The following CYB5A variants were observed in gnomAD, a reference collection of about 807,000 sequenced individuals.
CYB5A encodes the protein cytochrome b5 type A, also known as cytochrome b5.
CYB5A carries 10 observed loss-of-function variants against 16.2 expected under a neutral mutation model. That is an observed-to-expected ratio of 0.62 (90% CI 0.38 to 1.04). CYB5A has a LOEUF of 1.04. CYB5A is among the 50% of genes least tolerant of loss of function. The pLI is 0.01. For synonymous variants in CYB5A, 62 were observed against 57.0 expected (o/e 1.09, Z -0.40); for missense variants, 161 against 165.9 (o/e 0.97, Z 0.16).
chr18:74,253,546 A>G lies in CYB5A; in HGVS notation c.*38T>C. On this transcript the variant is annotated 3_prime_UTR_variant, in exon 5 of 5. Transcript: ENST00000340533. ...CAATGGCTTCTTTTCTCCCGTGTCCAAAGCAGGCTCTTCCTGCGCTGACTT... is the reference window on the plus strand; with the variant it reads ...CAATGGCTTCTTTTCTCCCGTGTCCGAAGCAGGCTCTTCCTGCGCTGACTT... The G allele has an allele frequency of 7.1e-7, 1 of 1,413,032 alleles. No individual in the cohort carries two copies. Among genetic ancestry groups the G allele is most frequent in the Non-Finnish European group, 1.0e-6 (1 of 998,962 alleles). 87.5% of individuals were successfully genotyped at this position (1,413,032 alleles called of 1,614,324 possible). A position where few individuals can be genotyped will look rare whatever the true frequency, so the allele number is the denominator to read the frequency against.
chr18:74,263,397 T>G lies in CYB5A; in HGVS notation c.210A>C (p.Thr70=), dbSNP rs767924669. The change falls in exon 2 of 5, where the codon ACA becomes ACC. Residue 70 remains threonine (T), a synonymous_variant. Coordinates refer to ENST00000340533, the MANE Select transcript of CYB5A (RefSeq NM_148923.4). ...TENFEDVGHS[T]DAREMSKTFI... is the part of the protein sequence containing the mutation. ...ATGTTTTGGACATTTCCCTGGCATC[T>G]GTAGAGTGCCCGACATCCTCAAAGT... 1 of 1,614,012 alleles carries G rather than the reference T, an allele frequency of 6.2e-7. No homozygotes were observed. Among genetic ancestry groups the G allele is most frequent in the African/African-American group, 1.3e-5 (1 of 74,922 alleles).
At chr18:74,276,966 C>CT (rs890113579) in intron 1 of CYB5A, among the ~76,000 whole-genome samples, 1 of 152,228 alleles carries the variant, frequency 6.6e-6, no homozygotes, top group Non-Finnish European at 1.5e-5. Flanking sequence ...TGCTAAGTGA[C>CT]TGAAGTCCAT....
chr18:74,280,816 A>G lies in CYB5A; in HGVS notation c.129+10931T>C, dbSNP rs111589038. Among the ~76,000 whole-genome samples, 940 of 152,278 alleles carry G rather than the reference A, an allele frequency of 6.2e-3. 3 individuals are homozygous for G. The highest frequency in any genetic ancestry group is 0.021 in the African/African-American group (877 of 41,536). On this transcript the variant is annotated intron_variant, in intron 1 of 4. Coordinates refer to ENST00000340533, the MANE Select transcript of CYB5A (RefSeq NM_148923.4). ...ATCTCTGGCCTCTCTATTCTGCTAC[A>G]TGGACATACGTATGTGTCCCTCTGC...
intron 1 of CYB5A, among the ~76,000 whole-genome samples, chr18:74,284,478 C>T (rs77467869): frequency 0.12 from 18,981 of 152,058 alleles, 1,436 homozygotes; most frequent in Non-Finnish European, 0.17. Flanking sequence ...CTGAGGAAGA[C>T]GAGGGAAAGA....
At chr18:74,278,157 G>GGTTT (rs1232522355) in intron 1 of CYB5A, among the ~76,000 whole-genome samples, 1 of 152,174 alleles carries the variant, frequency 6.6e-6, no homozygotes, top group Admixed American at 6.5e-5. Flanking sequence ...TACAGACAGA[G>GGTTT]GTGACGGAGC....
chr18:74,289,182 G>C (rs1332905396), intron 1 of CYB5A, among the ~76,000 whole-genome samples: 1 of 152,078 alleles, frequency 6.6e-6, no homozygotes, highest in Admixed American at 6.5e-5. Context: ...AAAACTTTGA[G>C]TAAGAAAAAA....
intron 3 of CYB5A, chr18:74,256,694 T>C: frequency 1.2e-6 from 1 of 809,578 alleles, no homozygotes; most frequent in Non-Finnish European, 2.0e-6. Context: ...AAAGCAAAGA[T>C]AAAAAGCATT....
intron 1 of CYB5A, chr18:74,290,806 C>G (rs1358447789): frequency 6.6e-6 from 1 of 152,324 alleles, no homozygotes; most frequent in Non-Finnish European, 1.5e-5. Context: ...CGCCCCTTAG[C>G]GTGTGCGGCA....
chr18:74,256,905 T>G, intron 3 of CYB5A: 1 of 1,465,748 alleles, frequency 6.8e-7, no homozygotes, highest in Non-Finnish European at 9.6e-7. Flanking sequence ...AATTGCAAAT[T>G]TATTATCTAT....
At chr18:74,290,846 T>C (rs1338729865) in intron 1 of CYB5A, 1 of 152,238 alleles carries the variant, frequency 6.6e-6, no homozygotes, top group Non-Finnish European at 1.5e-5. Flanking sequence ...AAGAATCTTA[T>C]CAAAGGAATG....
chr18:74,262,836 C>T (rs9953007), intron 2 of CYB5A, among the ~76,000 whole-genome samples: 108,319 of 152,018 alleles, frequency 0.71, 38,770 homozygotes, highest in East Asian at 0.88. Flanking sequence ...AGCCTGCTGA[C>T]TAAAACGAAG....
At chr18:74,267,986 C>T (rs529486235) in intron 1 of CYB5A, among the ~76,000 whole-genome samples, 21 of 152,302 alleles carry the variant, frequency 1.4e-4, no homozygotes, top group Non-Finnish European at 1.8e-4. Context: ...GCTGTTTCCA[C>T]GTGAGCTGAC....
rs113730620 is a variant in CYB5A at position 74,281,949 on chromosome 18, A to G, written c.129+9798T>C. On this transcript the variant is annotated intron_variant, in intron 1 of 4. Coordinates refer to ENST00000340533, the MANE Select transcript of CYB5A (RefSeq NM_148923.4). ...TGGGGAACATCGGGTGGCTTAGGGA[A>G]TGTCTGTGAGTGGGAAGGGGAACAG... Among the ~76,000 whole-genome samples the G allele has an allele frequency of 4.9e-3, 744 of 152,042 alleles. 8 individuals are homozygous for G. The highest frequency in any genetic ancestry group is 0.017 in the African/African-American group (707 of 41,446).
intron 2 of CYB5A, among the ~76,000 whole-genome samples, chr18:74,261,972 G>A (rs1175991959): frequency 6.6e-6 from 1 of 152,180 alleles, no homozygotes; most frequent in Non-Finnish European, 1.5e-5. Flanking sequence ...ACTCCCAGAG[G>A]TGGACAGGGC....
At chr18:74,256,525 T>G (rs966349614) in intron 3 of CYB5A, 18 of 412,572 alleles carry the variant, frequency 4.4e-5, no homozygotes, top group African/African-American at 3.4e-4. Flanking sequence ...AACGCATACT[T>G]CTCCAACAGC....
chr18:74,291,944 C>T lies in CYB5A; in HGVS notation c.-69G>A. ...GGTGGAGCAGAGCGCGCGACTCAGC[C>T]AGCTCCACCCGGGACATTCCCCGCG... On this transcript the variant is annotated 5_prime_UTR_variant, in exon 1 of 5. Transcript: ENST00000340533. The T allele has an allele frequency of 6.2e-7, 1 of 1,600,712 alleles. No individual in the cohort carries two copies. Among genetic ancestry groups the T allele is most frequent in the Non-Finnish European group, 8.5e-7 (1 of 1,178,990 alleles).
rs561277982 is a variant in CYB5A at position 74,264,584 on chromosome 18, C to T, written c.130-1107G>A. ...TAGATGAGTCCCTGCCTTTGCAGAA[C>T]TCACTTTCTGGTAGGTAAAAACAAA... is the stretch of plus-strand genomic sequence containing the variant. On this transcript the variant is annotated intron_variant, in intron 1 of 4. Coordinates refer to ENST00000340533, the MANE Select transcript of CYB5A (RefSeq NM_148923.4). 2.0e-5 allele frequency among the ~76,000 whole-genome samples: 3 copies of T among 152,302 alleles called. No homozygotes were observed. The East Asian group carries it at 5.8e-4, about 29-fold the overall frequency.
At chr18:74,271,325 C>T (rs1347356534) in intron 1 of CYB5A, among the ~76,000 whole-genome samples, 1 of 152,168 alleles carries the variant, frequency 6.6e-6, no homozygotes, top group African/African-American at 2.4e-5. Flanking sequence ...CTACAGATGA[C>T]CCAATGGGTC....
chr18:74,272,350 G>A (rs552179216), intron 1 of CYB5A, among the ~76,000 whole-genome samples: 86 of 152,326 alleles, frequency 5.6e-4, no homozygotes, highest in African/African-American at 2.0e-3. Context: ...AAATGTGTAA[G>A]GGATAAATAT....
Sources: gnomAD v4.1 joint callset for allele counts (sites outside exome capture counted in the v4.1 genomes callset) on GRCh38, gnomAD v4.1.1 for gene constraint, MANE v1.5 for transcripts, NCBI Gene and HGNC (gene_info 2026-07-23, HGNC 2026-07-21) for gene names.